Variants in EPB41L2 observed in about 807,000 individuals in gnomAD.
EPB41L2 encodes erythrocyte membrane protein band 4.1 like 2, also known as band 4.1-like protein 2.
EPB41L2 carries 43 observed loss-of-function variants against 113.0 expected under a neutral mutation model. The ratio of observed to expected loss-of-function variants is 0.38; its 90% confidence interval spans 0.30 to 0.49. EPB41L2 has a LOEUF of 0.49. EPB41L2 is among the 20% of genes least tolerant of loss of function. The pLI, the probability that EPB41L2 is intolerant of heterozygous loss-of-function variation, is 0.95. For missense variants in EPB41L2, 1,147 were observed against 1,223.4 expected (o/e 0.94, Z 0.93); for synonymous variants, 442 against 436.7 (o/e 1.01, Z -0.15).
intron 1 of EPB41L2, among the ~76,000 whole-genome samples, chr6:130,990,522 T>C (rs942520302): frequency 6.6e-6 from 1 of 152,242 alleles, no homozygotes. Flanking sequence ...CAGGCTGGTT[T>C]AAAAAGAAAG....
intron 3 of EPB41L2, among the ~76,000 whole-genome samples, chr6:130,944,121 C>T (rs549522985): frequency 6.6e-6 from 1 of 150,510 alleles, no homozygotes; most frequent in African/African-American, 2.4e-5. Context: ...GGACAGCAGT[C>T]GCAATGATGA....
chr6:130,906,371 T>C (rs1346616413), intron 5 of EPB41L2, among the ~76,000 whole-genome samples: 3 of 152,160 alleles, frequency 2.0e-5, no homozygotes, highest in Non-Finnish European at 4.4e-5. Context: ...AAATATGATA[T>C]TTTAAAATAC....
At chr6:130,903,097 A>G (rs1247706865) in intron 6 of EPB41L2, among the ~76,000 whole-genome samples, 1 of 152,148 alleles carries the variant, frequency 6.6e-6, no homozygotes, top group African/African-American at 2.4e-5. Flanking sequence ...AGTTCCATTT[A>G]TATGGAAAAC....
At chr6:130,868,655 C>T (rs1479432833) in intron 15 of EPB41L2, 3 of 152,208 alleles carry the variant, frequency 2.0e-5, no homozygotes, top group Non-Finnish European at 4.4e-5. Flanking sequence ...CATTTTCCAT[C>T]CCATCGAAGA....
intron 1 of EPB41L2, among the ~76,000 whole-genome samples, chr6:130,972,116 G>C (rs766990166): frequency 1.3e-5 from 2 of 152,108 alleles, no homozygotes. Context: ...TTGAGATCAA[G>C]AGTTCTAGAC....
intron 14 of EPB41L2, among the ~76,000 whole-genome samples, chr6:130,875,374 T>C (rs949543167): frequency 1.3e-5 from 2 of 152,222 alleles, no homozygotes; most frequent in African/African-American, 4.8e-5. Flanking sequence ...ATCATTCTTA[T>C]TGTACAATTC....
chr6:130,843,040 T>C (rs764862247), intron 19 of EPB41L2, among the ~76,000 whole-genome samples: 29 of 152,300 alleles, frequency 1.9e-4, no homozygotes, highest in Non-Finnish European at 3.7e-4. Context: ...AGATATTGTG[T>C]CAAAACATCC....
chr6:130,922,083 C>G (rs1317760078), intron 4 of EPB41L2, among the ~76,000 whole-genome samples: 1 of 152,140 alleles, frequency 6.6e-6, no homozygotes, highest in Non-Finnish European at 1.5e-5. Context: ...CACGCACGCA[C>G]GTGTGTTTAC....
At chr6:130,969,007 T>G (rs1776064808) in intron 1 of EPB41L2, among the ~76,000 whole-genome samples, 1 of 152,152 alleles carries the variant, frequency 6.6e-6, no homozygotes, top group Non-Finnish European at 1.5e-5. Context: ...AGTTTAAAAT[T>G]TACCTTTCCA....
intron 7 of EPB41L2, 150 bp downstream of exon 7, chr6:130,900,812 G>T: frequency 1.3e-6 from 1 of 744,144 alleles, no homozygotes; most frequent in Non-Finnish European, 2.3e-6. Flanking sequence ...TACCTCAAGG[G>T]CTCCACGTTG....
intron 1 of EPB41L2, among the ~76,000 whole-genome samples, chr6:131,019,412 ATTC>A (rs1410795485): frequency 1.3e-5 from 2 of 152,158 alleles, no homozygotes; most frequent in Admixed American, 6.5e-5. Context: ...GATCATTTCT[ATTC>A]TTGTCATATT....
At chr6:130,947,799 G>A (rs977832010) in intron 3 of EPB41L2, among the ~76,000 whole-genome samples, 32 of 152,260 alleles carry the variant, frequency 2.1e-4, no homozygotes, top group African/African-American at 7.5e-4. Context: ...TACTAAGCAA[G>A]CAACGGGAAA....
chr6:131,042,085 C>T (rs919791449), intron 1 of EPB41L2, among the ~76,000 whole-genome samples: 1 of 152,082 alleles, frequency 6.6e-6, no homozygotes, highest in Non-Finnish European at 1.5e-5. Context: ...GAAAACTGGC[C>T]ATATGGGAGT....
At chr6:130,870,262 G>A in intron 14 of EPB41L2, 136 bp from the exon 15 acceptor site, 1 of 1,538,420 alleles carries the variant, frequency 6.5e-7, no homozygotes, top group Non-Finnish European at 8.8e-7. Context: ...TGAAAGGGAA[G>A]CGGGGCAAAC....
chr6:130,857,503 C>G (rs1355025750), intron 19 of EPB41L2, among the ~76,000 whole-genome samples: 2 of 148,070 alleles, frequency 1.4e-5, no homozygotes, highest in African/African-American at 4.9e-5. Context: ...TCCATTTTTA[C>G]ACAGTCAAAG....
chr6:130,960,292 T>A (rs1818917802), intron 1 of EPB41L2, among the ~76,000 whole-genome samples: 2 of 152,186 alleles, frequency 1.3e-5, no homozygotes, highest in South Asian at 4.1e-4. Context: ...GACTATGAAA[T>A]AACATAAATG....
intron 3 of EPB41L2, among the ~76,000 whole-genome samples, chr6:130,934,576 G>T (rs1008266348): frequency 6.6e-6 from 1 of 152,012 alleles, no homozygotes; most frequent in African/African-American, 2.4e-5. Flanking sequence ...AGGCTCAAAC[G>T]ATCTTCCTGC....
chr6:131,008,971 A>C lies in EPB41L2; in HGVS notation c.-14-52472T>G, dbSNP rs117473988. On this transcript the variant is annotated intron_variant, in intron 1 of 19. Coordinates refer to ENST00000337057, the MANE Select transcript of EPB41L2 (RefSeq NM_001431.4). Reference sequence around the variant, plus strand: ...ATAAGACTTTGGACTTGGACTTTGAAATTAATGCTGGAATGAGTTAAGACT... The same window carrying C: ...ATAAGACTTTGGACTTGGACTTTGACATTAATGCTGGAATGAGTTAAGACT... Among the ~76,000 whole-genome samples, 1,309 of 152,296 alleles carry C rather than the reference A, an allele frequency of 8.6e-3. 10 individuals carry two copies. The highest frequency in any genetic ancestry group is 0.021 in the South Asian group (103 of 4,824).
At chr6:130,912,169 C>G (rs922963954) in intron 4 of EPB41L2, among the ~76,000 whole-genome samples, 2 of 152,178 alleles carry the variant, frequency 1.3e-5, no homozygotes, top group African/African-American at 2.4e-5. Flanking sequence ...CCCTCACCCC[C>G]ACCCCGGTAT....
Sources: allele counts gnomAD v4.1 joint callset (sites outside exome capture counted in the v4.1 genomes callset), GRCh38; gene constraint gnomAD v4.1.1; transcripts MANE v1.5; gene names NCBI Gene and HGNC (gene_info 2026-07-23, HGNC 2026-07-21).